DNAH5: variants seen among roughly 807,000 people sequenced by gnomAD.
DNAH5 encodes axonemal beta dynein heavy chain 5.
A neutral mutation model predicts 518.2 loss-of-function variants in DNAH5; 372 were observed. That is an observed-to-expected ratio of 0.72 (90% CI 0.66 to 0.78). The LOEUF is 0.78. Ranked by LOEUF, DNAH5 falls within the 30% of genes least tolerant of loss-of-function variation. DNAH5 has a pLI of 0.00. For missense variants in DNAH5, 5,523 were observed against 5,687.0 expected, an observed-to-expected ratio of 0.97 and a Z score of 0.93; for synonymous variants, 2,039 against 2,025.9, an observed-to-expected ratio of 1.01 and a Z score of -0.17.
intron 6 of DNAH5, among the ~76,000 whole-genome samples, chr5:13,920,091 C>T (rs373983933): frequency 3.3e-5 from 5 of 152,276 alleles, no homozygotes; most frequent in African/African-American, 1.2e-4. Context: ...ATGTAATGTC[C>T]ACCTTCATGC....
intron 49 of DNAH5, among the ~76,000 whole-genome samples, chr5:13,793,264 C>T (rs1757284405): frequency 6.6e-6 from 1 of 152,136 alleles, no homozygotes; most frequent in Non-Finnish European, 1.5e-5. Flanking sequence ...TGTTAAACCT[C>T]CTTGCTTAAG....
At chr5:13,931,294 G>T in intron 1 of DNAH5, 50 bp from the exon 2 acceptor site, 1 of 1,608,768 alleles carries the variant, frequency 6.2e-7, no homozygotes, top group Non-Finnish European at 8.5e-7. Flanking sequence ...TTCTCAAGTG[G>T]ATTCATTTTG....
chr5:13,694,817 C>G (rs1046029613), intron 78 of DNAH5, among the ~76,000 whole-genome samples: 23 of 152,252 alleles, frequency 1.5e-4, no homozygotes, highest in African/African-American at 5.3e-4. Context: ...TTCTTTCAAT[C>G]CTTTAAAAAC....
At chr5:13,755,402 T>C (rs1212999355) in intron 61 of DNAH5, among the ~76,000 whole-genome samples, 2 of 152,180 alleles carry the variant, frequency 1.3e-5, no homozygotes, top group Non-Finnish European at 2.9e-5. Flanking sequence ...CACAATATAT[T>C]GTTAAAAATT....
intron 53 of DNAH5, among the ~76,000 whole-genome samples, chr5:13,778,223 C>T (rs1224045809): frequency 6.6e-6 from 1 of 151,910 alleles, no homozygotes; most frequent in Non-Finnish European, 1.5e-5. Flanking sequence ...CACAACTATG[C>T]ATCAATACTT....
chr5:13,833,811 A>AT (rs1254117695), intron 35 of DNAH5, among the ~76,000 whole-genome samples: 3 of 152,234 alleles, frequency 2.0e-5, no homozygotes, highest in African/African-American at 7.2e-5. Flanking sequence ...TCTAGTCTTC[A>AT]TTAAAAACAC....
chr5:13,936,611 G>A (rs1778942682), intron 1 of DNAH5, among the ~76,000 whole-genome samples: 1 of 152,300 alleles, frequency 6.6e-6, no homozygotes, highest in East Asian at 1.9e-4. Context: ...CTTGAAAGAG[G>A]TTTGTGAGGG....
chr5:13,735,303 A>T lies in DNAH5; in HGVS notation c.11589T>A (p.Ile3863=), dbSNP rs1312688657. 6.2e-7 allele frequency: 1 copy of T among 1,614,078 alleles called. No individual in the cohort carries two copies. Among genetic ancestry groups the T allele is most frequent in the Non-Finnish European group, 8.5e-7 (1 of 1,179,994 alleles). ...TGATATTAGCAATCCTCTTGCTTGTAATCGGGCTCTTGACAGACCTGGTGA... is the reference window on the plus strand; with the variant it reads ...TGATATTAGCAATCCTCTTGCTTGTTATCGGGCTCTTGACAGACCTGGTGA... ...LSLARSVKSP[I]TSKRIANIIE... Residue 3863 remains isoleucine (I), a synonymous_variant, in exon 68 of 79, where the codon ATT becomes ATA. Transcript: ENST00000265104.
intron 55 of DNAH5, among the ~76,000 whole-genome samples, chr5:13,774,400 G>A (rs1205728797): frequency 6.6e-6 from 1 of 152,130 alleles, no homozygotes; most frequent in Non-Finnish European, 1.5e-5. Flanking sequence ...TAAGAAACTT[G>A]TGAAGCATCC....
intron 1 of DNAH5, among the ~76,000 whole-genome samples, chr5:13,941,215 A>T (rs755033966): frequency 6.6e-6 from 1 of 152,172 alleles, no homozygotes. Flanking sequence ...AAAATTAGCC[A>T]GATGCGGGGA....
intron 1 of DNAH5, among the ~76,000 whole-genome samples, chr5:13,962,023 G>A (rs537458893): frequency 6.6e-6 from 1 of 152,226 alleles, no homozygotes; most frequent in East Asian, 1.9e-4. Flanking sequence ...CTTTATTGAA[G>A]TATACTTGAT....
At chr5:13,997,575 C>T (rs934487544) in intron 1 of DNAH5, among the ~76,000 whole-genome samples, 91 of 152,264 alleles carry the variant, frequency 6.0e-4, no homozygotes, top group African/African-American at 2.0e-3. Flanking sequence ...AAGATACAGG[C>T]TTTCTCTACA....
intron 1 of DNAH5, among the ~76,000 whole-genome samples, chr5:13,989,836 A>G (rs1346233897): frequency 1.3e-5 from 2 of 152,116 alleles, no homozygotes; most frequent in Non-Finnish European, 2.9e-5. Flanking sequence ...GTAGGTTTCC[A>G]GATTTTTTTA....
At chr5:13,717,757 C>A (rs1267079804) in intron 72 of DNAH5, among the ~76,000 whole-genome samples, 1 of 152,106 alleles carries the variant, frequency 6.6e-6, no homozygotes, top group Non-Finnish European at 1.5e-5. Flanking sequence ...CATGGGTCAA[C>A]TTCCTGCCAA....
chr5:13,768,473 T>A (rs1030609144), intron 58 of DNAH5, among the ~76,000 whole-genome samples: 1 of 152,214 alleles, frequency 6.6e-6, no homozygotes. Flanking sequence ...GAACACAGAC[T>A]AATACACAAT....
intron 1 of DNAH5, among the ~76,000 whole-genome samples, chr5:13,938,371 G>A (rs976941578): frequency 4.4e-4 from 66 of 151,670 alleles, no homozygotes; most frequent in African/African-American, 1.6e-3. Flanking sequence ...ACACATGAAG[G>A]GTAGATACAG....
intron 1 of DNAH5, among the ~76,000 whole-genome samples, chr5:13,953,127 C>A (rs1469298266): frequency 6.6e-6 from 1 of 152,162 alleles, no homozygotes; most frequent in Non-Finnish European, 1.5e-5. Flanking sequence ...CATCTTATTG[C>A]TAAGAAGACT....
At position 13,829,878 on chromosome 5, in the gene DNAH5, C is replaced by A; in HGVS notation, c.6249+148G>T. 2.8e-6 allele frequency: 3 copies of A among 1,077,074 alleles called. No individual in the cohort carries two copies. In the South Asian group the frequency reaches 4.0e-5, roughly 14 times the overall value. The allele number at this position is 1,077,074 out of a possible 1,614,324, so 66.7% of individuals were successfully genotyped here. On this transcript the variant is annotated intron_variant, in intron 37 of 78. Coordinates refer to ENST00000265104, the MANE Select transcript of DNAH5 (RefSeq NM_001369.3). ...CTAAGTCATGAGCTATTCATATGAT[C>A]TTTGCTTAACACCAAAAGGTTTTCA... is the stretch of plus-strand genomic sequence containing the variant.
chr5:13,768,529 A>T (rs1752839602), intron 58 of DNAH5, among the ~76,000 whole-genome samples: 1 of 152,202 alleles, frequency 6.6e-6, no homozygotes, highest in South Asian at 2.1e-4. Context: ...TCTCTCATTA[A>T]TGTGCTACAT....
Sources: gnomAD v4.1 joint callset for allele counts (sites outside exome capture counted in the v4.1 genomes callset) on GRCh38, gnomAD v4.1.1 for gene constraint, MANE v1.5 for transcripts, NCBI Gene and HGNC (gene_info 2026-07-23, HGNC 2026-07-21) for gene names.